The following PDS5B variants were observed in gnomAD, a reference collection of about 807,000 sequenced individuals.
The protein encoded by PDS5B is sister chromatid cohesion protein PDS5 homolog B.
A neutral mutation model predicts 184.1 loss-of-function variants in PDS5B; 51 were observed. The ratio of observed to expected loss-of-function variants is 0.28; its 90% confidence interval spans 0.22 to 0.35. The LOEUF (loss-of-function observed/expected upper bound fraction) is 0.35, where lower values mean the gene tolerates loss of function less well. Among genes scored for constraint, PDS5B ranks in the 10% least tolerant of loss-of-function variants. PDS5B has a pLI of 1.00. For missense variants in PDS5B, 1,180 were observed against 1,723.3 expected, an observed-to-expected ratio of 0.68 and a Z score of 5.58; for synonymous variants, 566 against 569.2, an observed-to-expected ratio of 0.99 and a Z score of 0.08.
rs1002790599 is a variant in PDS5B at position 32,768,834 on chromosome 13, G to A, written c.3625-1287G>A. Among the ~76,000 whole-genome samples, 3 of 137,344 alleles carry A rather than the reference G, an allele frequency of 2.2e-5. No homozygotes were observed. In the Admixed American group the frequency reaches 2.2e-4, roughly 10 times the overall value. 90.1% of individuals were successfully genotyped at this position (137,344 alleles called of 152,430 possible). ...AAAAAAAAAAAAGCTGGGTGCAGTG[G>A]CTCATGCCTGTAATCCCAGCACTTT... On this transcript the variant is annotated intron_variant, in intron 31 of 34. Transcript: ENST00000315596.
At chr13:32,603,421 T>C (rs1200854401) in intron 1 of PDS5B, among the ~76,000 whole-genome samples, 1 of 152,216 alleles carries the variant, frequency 6.6e-6, no homozygotes, top group East Asian at 1.9e-4. Context: ...TGTGGTATTA[T>C]TTCTGAAGGT....
intron 31 of PDS5B, among the ~76,000 whole-genome samples, chr13:32,766,311 A>C (rs1423286453): frequency 1.3e-5 from 2 of 152,188 alleles, no homozygotes; most frequent in African/African-American, 4.8e-5. Context: ...TATCCTATAA[A>C]TTTTGCATCT....
At chr13:32,607,349 A>G (rs2058075569) in intron 1 of PDS5B, among the ~76,000 whole-genome samples, 1 of 152,244 alleles carries the variant, frequency 6.6e-6, no homozygotes, top group Non-Finnish European at 1.5e-5. Context: ...TTGCCTGGGT[A>G]TCACCAGTGG....
At chr13:32,742,817 T>C (rs1321071585) in intron 23 of PDS5B, 90 bp downstream of exon 23, 2 of 1,181,036 alleles carry the variant, frequency 1.7e-6, no homozygotes, top group African/African-American at 3.1e-5. Context: ...TTTTTCTTTT[T>C]TTTTTAAATT....
chr13:32,607,422 G>C (rs1479920642), intron 1 of PDS5B, among the ~76,000 whole-genome samples: 6 of 152,332 alleles, frequency 3.9e-5, no homozygotes, highest in African/African-American at 1.2e-4. Context: ...TCCTCTGGAA[G>C]CTTTGTCTCA....
At chr13:32,700,984 T>C (rs1446077049) in intron 16 of PDS5B, 1 of 159,392 alleles carries the variant, frequency 6.3e-6, no homozygotes, top group Non-Finnish European at 1.4e-5. Flanking sequence ...GTGCATCCAG[T>C]GACTCTTGGT....
intron 9 of PDS5B, among the ~76,000 whole-genome samples, chr13:32,678,378 A>G (rs1040444201): frequency 7.2e-5 from 11 of 152,194 alleles, no homozygotes; most frequent in Non-Finnish European, 1.6e-4. Flanking sequence ...TTCATGTAAT[A>G]TACTGTAGGG....
chr13:32,612,789 T>C (rs761632610), intron 1 of PDS5B, among the ~76,000 whole-genome samples: 30 of 152,348 alleles, frequency 2.0e-4, no homozygotes, highest in Non-Finnish European at 3.8e-4. Context: ...TATGTGGCAG[T>C]AAGAAGACCC....
At chr13:32,723,348 T>C (rs1361982561) in intron 19 of PDS5B, among the ~76,000 whole-genome samples, 3 of 152,220 alleles carry the variant, frequency 2.0e-5, no homozygotes, top group Non-Finnish European at 4.4e-5. Context: ...GTTTTTTCTT[T>C]AGGGTTTCAT....
At chr13:32,597,898 T>A (rs1485034458) in intron 1 of PDS5B, among the ~76,000 whole-genome samples, 1 of 151,766 alleles carries the variant, frequency 6.6e-6, no homozygotes, top group Non-Finnish European at 1.5e-5. Context: ...TGTTTTAAAA[T>A]GATGAATTTT....
At chr13:32,729,736 A>T (rs180737624) in intron 19 of PDS5B, among the ~76,000 whole-genome samples, 1 of 152,232 alleles carries the variant, frequency 6.6e-6, no homozygotes, top group African/African-American at 2.4e-5. Flanking sequence ...TTGGCCATAT[A>T]AATGTCTTCT....
At chr13:32,726,588 C>T (rs531574464) in intron 19 of PDS5B, among the ~76,000 whole-genome samples, 119 of 152,272 alleles carry the variant, frequency 7.8e-4, no homozygotes, top group Non-Finnish European at 1.3e-3. Context: ...TGCCAGTAGA[C>T]GATGTTGTTA....
chr13:32,676,773 T>TA, intron 9 of PDS5B, among the ~76,000 whole-genome samples: 1 of 151,620 alleles, frequency 6.6e-6, no homozygotes, highest in South Asian at 2.1e-4. Flanking sequence ...CTATTAAAAA[T>TA]ACAAAAAATT....
At chr13:32,750,403 A>G (rs559043422) in intron 24 of PDS5B, among the ~76,000 whole-genome samples, 4 of 152,192 alleles carry the variant, frequency 2.6e-5, no homozygotes, top group African/African-American at 4.8e-5. Flanking sequence ...TAGTAAATCT[A>G]TAACGGAGAC....
intron 19 of PDS5B, among the ~76,000 whole-genome samples, chr13:32,722,527 ATAGGTATGAGTAGGCTATACCATC>A (rs900890081): frequency 2.6e-5 from 4 of 152,228 alleles, no homozygotes; most frequent in Non-Finnish European, 5.9e-5. Context: ...GTCATACCAT[ATAGGTATGAGTAGGCTATACCATC>A]TAGGTTTATG....
At chr13:32,771,923 C>A (rs1954801376) in intron 33 of PDS5B, among the ~76,000 whole-genome samples, 1 of 150,284 alleles carries the variant, frequency 6.7e-6, no homozygotes, top group Non-Finnish European at 1.5e-5. Flanking sequence ...TATGAATGTT[C>A]TAAACCAAAC....
At chr13:32,724,485 C>CA (rs1952827382) in intron 19 of PDS5B, among the ~76,000 whole-genome samples, 1 of 152,220 alleles carries the variant, frequency 6.6e-6, no homozygotes, top group Non-Finnish European at 1.5e-5. Flanking sequence ...ACTCTGCTTG[C>CA]AGCAGGAATC....
intron 19 of PDS5B, among the ~76,000 whole-genome samples, chr13:32,726,541 C>T (rs1221296506): frequency 1.3e-5 from 2 of 152,218 alleles, no homozygotes; most frequent in Non-Finnish European, 2.9e-5. Context: ...TGCATTCTCA[C>T]TAGCAGTATG....
intron 34 of PDS5B, among the ~76,000 whole-genome samples, chr13:32,773,658 G>A (rs1451700262): frequency 2.6e-5 from 4 of 152,062 alleles, no homozygotes; most frequent in African/African-American, 9.7e-5. Flanking sequence ...TCTCCGTTTG[G>A]TATTTCTATT....
Sources: gnomAD v4.1 joint callset for allele counts (sites outside exome capture counted in the v4.1 genomes callset) on GRCh38, gnomAD v4.1.1 for gene constraint, MANE v1.5 for transcripts, NCBI Gene and HGNC (gene_info 2026-07-23, HGNC 2026-07-21) for gene names.